The following ZER1 variants were observed in gnomAD, a reference collection of about 807,000 sequenced individuals.
The protein encoded by ZER1 is zyg-11 related cell cycle regulator.
A neutral mutation model predicts 78.8 loss-of-function variants in ZER1; 11 were observed. The observed-to-expected ratio is 0.14, with a 90% CI of 0.09 to 0.23. ZER1 has a LOEUF of 0.23. Among genes scored for constraint, ZER1 ranks in the 10% least tolerant of loss-of-function variants. The pLI is 1.00. For missense variants in ZER1, 588 were observed against 996.9 expected (o/e 0.59, Z 5.52); for synonymous variants, 400 against 407.0 (o/e 0.98, Z 0.21).
intron 1 of ZER1, among the ~76,000 whole-genome samples, chr9:128,764,632 A>G (rs1389156355): frequency 2.0e-5 from 3 of 152,170 alleles, no homozygotes; most frequent in African/African-American, 4.8e-5. Context: ...ACATCCTGGC[A>G]CAGAGACTGA....
In ZER1 at chr9:128,753,689, A is replaced by C; in HGVS notation, c.310-89T>G. 6.4e-7 allele frequency: 1 copy of C among 1,564,714 alleles called. No homozygotes were observed. Among genetic ancestry groups the C allele is most frequent in the Non-Finnish European group, 8.7e-7 (1 of 1,155,890 alleles). On this transcript the variant is annotated intron_variant, in intron 3 of 15. Coordinates refer to ENST00000291900, the MANE Select transcript of ZER1 (RefSeq NM_006336.4). The surrounding 1 kb of genome is among the most constrained non-coding windows in gnomAD (Gnocchi z 7.5). ...GCCCTGGGCTACAGGTGGGTTGGAA[A>C]GGGGGATGTGCACAGTCACGGTGCA...
chr9:128,762,703 G>C (rs543609305), intron 1 of ZER1, among the ~76,000 whole-genome samples: 1 of 152,114 alleles, frequency 6.6e-6, no homozygotes, highest in Non-Finnish European at 1.5e-5. Flanking sequence ...TCCCAGCTCC[G>C]GGCCTGTGCT....
chr9:128,768,121 C>T (rs557922262), intron 1 of ZER1, among the ~76,000 whole-genome samples: 10 of 152,066 alleles, frequency 6.6e-5, no homozygotes, highest in Non-Finnish European at 1.2e-4. Flanking sequence ...TTCAAGAGAC[C>T]CTTCTGCATC....
chr9:128,755,958 C>T lies in ZER1; in HGVS notation c.-94-299G>A, dbSNP rs1211621450. ...AATACAGATTTTCACTCTTCAGCTT[C>T]CCACAGTCTGAAGAGCTACACTGGG... On this transcript the variant is annotated intron_variant, in intron 1 of 15. Transcript: ENST00000291900. This position sits in a 1 kb window ranked among gnomAD's most constrained non-coding sequence, Gnocchi z 5.6. Among the ~76,000 whole-genome samples, 1 of 152,188 alleles carries T rather than the reference C, an allele frequency of 6.6e-6. No homozygotes were observed. Among genetic ancestry groups the T allele is most frequent in the Admixed American group, 6.5e-5 (1 of 15,278 alleles).
intron 13 of ZER1, among the ~76,000 whole-genome samples, chr9:128,736,105 A>C (rs1391215418): frequency 6.7e-6 from 1 of 148,932 alleles, no homozygotes; most frequent in Non-Finnish European, 1.5e-5. Context: ...CCTACCACCA[A>C]ACCCGGCTAA....
intron 8 of ZER1, 104 bp downstream of exon 8, chr9:128,750,511 TG>T: frequency 7.4e-7 from 1 of 1,351,052 alleles, no homozygotes. Context: ...GAAAGGGAGC[TG>T]GGACAGATGC....
At position 128,750,796 on chromosome 9, in the gene ZER1, G is replaced by A; in HGVS notation, c.1186-7C>T. 1.9e-6 allele frequency: 3 copies of A among 1,614,102 alleles called. No homozygotes were observed. Among genetic ancestry groups the A allele is most frequent in the Non-Finnish European group, 2.5e-6 (3 of 1,179,956 alleles). On this transcript the variant is annotated splice_region_variant and splice_polypyrimidine_tract_variant and intron_variant, in intron 7 of 15. Transcript: ENST00000291900. ...TGAGGGCCGTGATGACCAGCTGTAT[G>A]AAGACAAGGGGGACCTGGGCTGGCA...
chr9:128,766,170 G>A (rs988746219), intron 1 of ZER1, among the ~76,000 whole-genome samples: 18 of 152,052 alleles, frequency 1.2e-4, no homozygotes, highest in Non-Finnish European at 2.6e-4. Context: ...CCAACATGGT[G>A]AAACCCTGTC....
At chr9:128,759,156 C>A (rs1863960548) in intron 1 of ZER1, among the ~76,000 whole-genome samples, 1 of 151,796 alleles carries the variant, frequency 6.6e-6, no homozygotes, top group Admixed American at 6.6e-5. Context: ...GCCACCGCGC[C>A]CAGCCAGTGA....
Position 128,753,068 on chromosome 9 carries a change from C to T in ZER1, c.746+96G>A, listed in dbSNP as rs950754838. ...CATCCCCACCCTCTGCCTAGCCAAGCGCTCCTGAACCCTGAGGGCGTGACA... is the reference window on the plus strand; with the variant it reads ...CATCCCCACCCTCTGCCTAGCCAAGTGCTCCTGAACCCTGAGGGCGTGACA... On this transcript the variant is annotated intron_variant, in intron 4 of 15. Coordinates refer to ENST00000291900, the MANE Select transcript of ZER1 (RefSeq NM_006336.4). This position sits in a 1 kb window ranked among gnomAD's most constrained non-coding sequence, Gnocchi z 7.5. The T allele has an allele frequency of 5.0e-5, 66 of 1,317,002 alleles. No individual in the cohort carries two copies. The highest frequency in any genetic ancestry group is 4.8e-4 in the East Asian group (19 of 39,586). 81.6% of individuals were successfully genotyped at this position (1,317,002 alleles called of 1,614,324 possible).
chr9:128,752,226 C>T (rs963591264), intron 5 of ZER1, among the ~76,000 whole-genome samples: 1 of 152,198 alleles, frequency 6.6e-6, no homozygotes, highest in Non-Finnish European at 1.5e-5. Context: ...TTGATTGTCC[C>T]CACCAGCTCA....
rs755845341 is a variant in ZER1 at position 128,741,681 on chromosome 9, A to C, written c.1618-27T>G. On this transcript the variant is annotated intron_variant, in intron 10 of 15. Transcript: ENST00000291900. ...TGTGAGGGCAGGGCAGGGCTCAGCC[A>C]AGGCTCCTGGTACCCGGGGAGGGGG... 4.3e-6 allele frequency: 7 copies of C among 1,613,940 alleles called. No individual in the cohort carries two copies. In the African/African-American group the frequency reaches 8.0e-5, roughly 18 times the overall value.
At chr9:128,738,426 C>T (rs1261856828) in intron 13 of ZER1, among the ~76,000 whole-genome samples, 1 of 150,624 alleles carries the variant, frequency 6.6e-6, no homozygotes, top group African/African-American at 2.4e-5. Context: ...CGCTCTGTCG[C>T]CCAGGCTGGA....
chr9:128,734,370 T>C (rs1326592419), intron 14 of ZER1, among the ~76,000 whole-genome samples: 1 of 150,370 alleles, frequency 6.7e-6, no homozygotes, highest in Non-Finnish European at 1.5e-5. Context: ...CTAATTTTTG[T>C]ATTTTTAGTA....
At chr9:128,752,968 G>A in intron 4 of ZER1, 119 bp from the exon 5 acceptor site, 1 of 1,374,144 alleles carries the variant, frequency 7.3e-7, no homozygotes, top group East Asian at 2.3e-5. Flanking sequence ...AACTTCCCCA[G>A]GGCATTCTGG....
upstream of ZER1, chr9:128,772,431 CT>C (rs1400005365): frequency 6.6e-6 from 1 of 152,332 alleles, no homozygotes; most frequent in Non-Finnish European, 1.5e-5. Context: ...CTACATTTTC[CT>C]GGGCCCCTCG....
Position 128,754,233 on chromosome 9 carries a change from G to A in ZER1, c.159-274C>T, listed in dbSNP as rs933124319. Among the ~76,000 whole-genome samples, 3 of 152,162 alleles carry A rather than the reference G, an allele frequency of 2.0e-5. No homozygotes were observed. Among genetic ancestry groups the A allele is most frequent in the Non-Finnish European group, 2.9e-5 (2 of 68,022 alleles). On this transcript the variant is annotated intron_variant, in intron 2 of 15. Transcript: ENST00000291900. The surrounding 1 kb of genome is among the most constrained non-coding windows in gnomAD (Gnocchi z 4.3). Reference sequence around the variant, plus strand: ...TGCCTGTCACACAGCCTCCACGCACGCACACTGCAGGGGCAGCAGCCCCAC... The same window carrying A: ...TGCCTGTCACACAGCCTCCACGCACACACACTGCAGGGGCAGCAGCCCCAC...
At position 128,740,098 on chromosome 9, in the gene ZER1, G is replaced by A. The variant is rs776206232; in HGVS notation, c.1875C>T (p.Ala625=). 6.8e-6 allele frequency: 11 copies of A among 1,605,990 alleles called. No individual in the cohort carries two copies. The highest frequency in any genetic ancestry group is 5.5e-5 in the South Asian group (5 of 90,848). ...SVFSNLLESK[A]DGIEVSYNAC... Reference sequence around the variant, plus strand: ...CATTGTAGGAAACCTCGATCCCATCGGCCTTGCTCTCCAACAGGTTGCTGC... The same window carrying A: ...CATTGTAGGAAACCTCGATCCCATCAGCCTTGCTCTCCAACAGGTTGCTGC... The change falls in exon 13 of 16, where the codon GCC becomes GCT. Residue 625 remains alanine, a synonymous_variant. Transcript: ENST00000291900. This position sits in a 1 kb window ranked among gnomAD's most constrained non-coding sequence, Gnocchi z 4.4.
chr9:128,758,715 C>G (rs1444874433), intron 1 of ZER1, among the ~76,000 whole-genome samples: 4 of 152,140 alleles, frequency 2.6e-5, no homozygotes, highest in Non-Finnish European at 5.9e-5. Context: ...GCTGGGATTA[C>G]AGGCATGAGC....
Sources: gnomAD v4.1 joint callset for allele counts (sites outside exome capture counted in the v4.1 genomes callset) on GRCh38, gnomAD v4.1.1 for gene constraint, Gnocchi (gnomAD v3.1) non-coding constraint, MANE v1.5 for transcripts, NCBI Gene and HGNC (gene_info 2026-07-23, HGNC 2026-07-21) for gene names.